Variants in TP53I11 observed in about 807,000 individuals in gnomAD.
TP53I11 encodes tumor protein p53 inducible protein 11, also known as tumor protein p53-inducible protein 11.
A neutral mutation model predicts 23.3 loss-of-function variants in TP53I11; 9 were observed. The observed-to-expected ratio is 0.39, with a 90% confidence interval of 0.23 to 0.67. The LOEUF is 0.67. Among genes scored for constraint, TP53I11 ranks in the 30% least tolerant of loss-of-function variants. The pLI, the probability that TP53I11 is intolerant of heterozygous loss-of-function variation, is 0.48. For missense variants in TP53I11, 170 were observed against 255.2 expected, an observed-to-expected ratio of 0.67 and a Z score of 2.27; for synonymous variants, 100 against 106.1, an observed-to-expected ratio of 0.94 and a Z score of 0.35.
At position 44,934,108 on chromosome 11, in the gene TP53I11, A is replaced by T. The variant is rs1353793496; in HGVS notation, c.*776T>A. On this transcript the variant is annotated 3_prime_UTR_variant, in exon 7 of 7. Coordinates refer to ENST00000525680, the MANE Select transcript of TP53I11 (RefSeq NM_006034.5). The stretch of plus-strand genomic sequence containing the variant: ...CTAGAGCAAGGTCCCAGGAGAGCTC[A>T]TCTTGTCAGGCCAGGAGAGTGGGGA... 2 of 152,548 alleles carry T rather than the reference A, an allele frequency of 1.3e-5. No homozygotes were observed. The highest frequency in any genetic ancestry group is 1.3e-4 in the Admixed American group (2 of 15,292). 9.4% of individuals were successfully genotyped at this position (152,548 alleles called of 1,614,324 possible).
At chr11:44,935,714 C>T in intron 5 of TP53I11, 52 bp from the exon 6 acceptor site, 1 of 1,339,548 alleles carries the variant, frequency 7.5e-7, no homozygotes, top group Non-Finnish European at 1.0e-6. Flanking sequence ...GACTCCCTCC[C>T]AGCAGGGCAG....
intron 1 of TP53I11, among the ~76,000 whole-genome samples, chr11:44,949,147 T>A (rs1862676836): frequency 6.6e-6 from 1 of 152,176 alleles, no homozygotes; most frequent in African/African-American, 2.4e-5. Context: ...TGGAGAATAG[T>A]CTTATTTCCT....
chr11:44,936,166 G>A lies in TP53I11; in HGVS notation c.335-504C>T. 1 of 968,618 alleles carries A rather than the reference G, an allele frequency of 1.0e-6. No homozygotes were observed. The highest frequency in any genetic ancestry group is 5.1e-4 in the Middle Eastern group (1 of 1,964). The allele number at this position is 968,618 out of a possible 1,614,324, so 60.0% of individuals were successfully genotyped here. On this transcript the variant is annotated intron_variant, in intron 5 of 6. Transcript: ENST00000525680. This position sits in a 1 kb window ranked among gnomAD's most constrained non-coding sequence, Gnocchi z 4.4. ...CTTTTTAGCAGAAGACCACTGACTT[G>A]GCCTCTAGCAGGCCCCGCCCACCCA... is the stretch of plus-strand genomic sequence containing the variant.
chr11:44,950,910 G>C (rs1255572515), upstream of TP53I11: 1 of 151,692 alleles, frequency 6.6e-6, no homozygotes, highest in Admixed American at 6.6e-5. Context: ...CCCTCCTCTC[G>C]GTTCCGCGCA....
chr11:44,939,386 C>T (rs1193712850), intron 1 of TP53I11: 4 of 152,258 alleles, frequency 2.6e-5, no homozygotes, highest in South Asian at 4.1e-4. Context: ...CTTCCTACCT[C>T]GGACCACTTC....
intron 4 of TP53I11, 180 bp from the exon 5 acceptor site, chr11:44,937,079 G>A: frequency 1.3e-6 from 1 of 749,054 alleles, no homozygotes; most frequent in Non-Finnish European, 2.2e-6. Context: ...AAACTCCAGG[G>A]TTCCTGGGAG....
intron 1 of TP53I11, chr11:44,938,990 C>G (rs896863093): frequency 3.3e-5 from 5 of 152,642 alleles, no homozygotes; most frequent in Non-Finnish European, 7.3e-5. Flanking sequence ...CTGCTCAGGC[C>G]TTGCCCTCCC....
At chr11:44,944,962 C>T (rs1216654616) in intron 1 of TP53I11, among the ~76,000 whole-genome samples, 3 of 152,216 alleles carry the variant, frequency 2.0e-5, no homozygotes, top group Non-Finnish European at 4.4e-5. Context: ...TCTATAGAAA[C>T]AGATGGACTG....
chr11:44,947,202 G>T (rs547173259), intron 1 of TP53I11: 3 of 448,048 alleles, frequency 6.7e-6, no homozygotes, highest in South Asian at 4.7e-5. Context: ...TTCCTGTCTC[G>T]ACGGTCATTC....
chr11:44,941,841 C>T (rs552208161), intron 1 of TP53I11, among the ~76,000 whole-genome samples: 47 of 152,256 alleles, frequency 3.1e-4, no homozygotes, highest in Admixed American at 4.6e-4. Context: ...TCAGCCACTG[C>T]CCACCAGGCC....
chr11:44,940,750 A>G (rs918788731), intron 1 of TP53I11: 2 of 152,112 alleles, frequency 1.3e-5, no homozygotes, highest in African/African-American at 4.8e-5. Flanking sequence ...TCATTTCTCT[A>G]TGTAAATGCC....
Position 44,937,095 on chromosome 11 carries a change from G to C in TP53I11, c.238-196C>G. On this transcript the variant is annotated intron_variant, in intron 4 of 6. Transcript: ENST00000525680. ...AACTCCAGGGTTCCTGGGAGAAGGA[G>C]TCAGGCCACAAACCATGGGATCTAG... The C allele has an allele frequency of 3.9e-6, 3 of 765,576 alleles. No individual in the cohort carries two copies. The South Asian group carries it at 4.9e-5, about 12-fold the overall frequency. 47.4% of individuals were successfully genotyped at this position (765,576 alleles called of 1,614,324 possible).
intron 1 of TP53I11, among the ~76,000 whole-genome samples, chr11:44,944,498 G>A (rs190820561): frequency 6.6e-6 from 1 of 152,326 alleles, no homozygotes; most frequent in Non-Finnish European, 1.5e-5. Context: ...CTTCCCAGGG[G>A]CGAGGCGGGA....
chr11:44,938,485 GC>G (rs1192302286), intron 1 of TP53I11, 119 bp from the exon 2 acceptor site: 37 of 1,207,594 alleles, frequency 3.1e-5, no homozygotes, highest in Non-Finnish European at 3.4e-5. Context: ...CTCCCCACGA[GC>G]CCAGGGCAGT....
At chr11:44,942,760 G>A (rs1451994886) in intron 1 of TP53I11, among the ~76,000 whole-genome samples, 1 of 152,096 alleles carries the variant, frequency 6.6e-6, no homozygotes, top group Non-Finnish European at 1.5e-5. Flanking sequence ...GACCTCCAGG[G>A]AGGAGGGCCC....
chr11:44,941,074 C>T lies in TP53I11; in HGVS notation c.-31-2708G>A, dbSNP rs1430070310. 3 of 152,200 alleles carry T rather than the reference C, an allele frequency of 2.0e-5. No individual in the cohort carries two copies. The East Asian group carries it at 5.8e-4, about 29-fold the overall frequency. 9.4% of individuals were successfully genotyped at this position (152,200 alleles called of 1,614,324 possible). A position where few individuals can be genotyped will look rare whatever the true frequency, so the allele number is the denominator to read the frequency against. On this transcript the variant is annotated intron_variant, in intron 1 of 6. Transcript: ENST00000525680. Reference sequence around the variant, plus strand: ...CTGTGAAATGGAGCCATCATTCCCACTTCCTAGGGAGCCCGGGGCAAAAAG... The same window carrying T: ...CTGTGAAATGGAGCCATCATTCCCATTTCCTAGGGAGCCCGGGGCAAAAAG...
At chr11:44,937,730 C>A (rs1383200387) in intron 2 of TP53I11, 117 bp from the exon 3 acceptor site, 2 of 1,055,512 alleles carry the variant, frequency 1.9e-6, no homozygotes, top group South Asian at 1.4e-5. Flanking sequence ...TCAGCTTGGC[C>A]AAAGGTTCCC....
At chr11:44,938,871 C>G (rs1861461502) in intron 1 of TP53I11, among the ~76,000 whole-genome samples, 1 of 152,182 alleles carries the variant, frequency 6.6e-6, no homozygotes, top group Non-Finnish European at 1.5e-5. Context: ...CTGCCACCCC[C>G]CTTCAAACCT....
Position 44,935,655 on chromosome 11 carries a change from G to A in TP53I11, c.342C>T (p.Ser114=). ...RLYGGALLSI[S]LIMWNALYTA... Reference sequence around the variant, plus strand: ...TGTAGAGAGCGTTCCACATGATCAGGGAGATGCCTGGGGCGGGGGATGAAA... The same window carrying A: ...TGTAGAGAGCGTTCCACATGATCAGAGAGATGCCTGGGGCGGGGGATGAAA... The change falls in exon 6 of 7, where the codon TCC becomes TCT. Residue 114 remains serine (S), a synonymous_variant. Coordinates refer to ENST00000525680, the MANE Select transcript of TP53I11 (RefSeq NM_006034.5). 4 of 1,612,416 alleles carry A rather than the reference G, an allele frequency of 2.5e-6. No homozygotes were observed. Among genetic ancestry groups the A allele is most frequent in the Non-Finnish European group, 2.5e-6 (3 of 1,179,054 alleles).
Sources: gnomAD v4.1 joint callset for allele counts (sites outside exome capture counted in the v4.1 genomes callset) on GRCh38, gnomAD v4.1.1 for gene constraint, Gnocchi (gnomAD v3.1) non-coding constraint, MANE v1.5 for transcripts, NCBI Gene and HGNC (gene_info 2026-07-23, HGNC 2026-07-21) for gene names.